Variants in SHC4 observed in about 807,000 individuals in gnomAD.
SHC4 encodes the protein SHC adaptor protein 4.
In SHC4, 41 loss-of-function variants were observed where a neutral mutation model predicts 69.4. The ratio of observed to expected loss-of-function variants is 0.59; its 90% CI spans 0.46 to 0.77. The LOEUF (loss-of-function observed/expected upper bound fraction) is 0.77, where lower values mean the gene tolerates loss of function less well. SHC4 is among the 30% of genes least tolerant of loss of function. The probability of loss-of-function intolerance (pLI) is 0.00; values close to 1 mark genes in which losing one functional copy is unlikely to be tolerated. For missense variants in SHC4, 777 were observed against 783.8 expected (o/e 0.99, Z 0.10); for synonymous variants, 318 against 299.3 (o/e 1.06, Z -0.64).
intron 2 of SHC4, among the ~76,000 whole-genome samples, chr15:48,898,604 T>G (rs1201501821): frequency 6.6e-6 from 1 of 152,256 alleles, no homozygotes; most frequent in African/African-American, 2.4e-5. Flanking sequence ...ACTTCGTGAT[T>G]CTGCCCTTTG....
intron 2 of SHC4, among the ~76,000 whole-genome samples, chr15:48,916,766 C>T (rs1900630465): frequency 6.6e-6 from 1 of 152,110 alleles, no homozygotes; most frequent in Admixed American, 6.6e-5. Flanking sequence ...GAGGAAAACC[C>T]ACTCCAAGCC....
intron 1 of SHC4, among the ~76,000 whole-genome samples, chr15:48,939,911 G>A (rs954744481): frequency 3.3e-5 from 5 of 152,236 alleles, no homozygotes; most frequent in African/African-American, 1.2e-4. Flanking sequence ...TGCAGACAAA[G>A]CTAATCTAAA....
At position 48,878,325 on chromosome 15, in the gene SHC4, A is replaced by C. The variant is rs1225860363; in HGVS notation, c.840+5923T>G. On this transcript the variant is annotated intron_variant, in intron 4 of 11. Coordinates refer to ENST00000332408, the MANE Select transcript of SHC4 (RefSeq NM_203349.4). ...CTGCGTCCCTCCCGCAGCGGGGCCC[A>C]ACAGCTCGAGGAGGAAGGCCCAATG... 2.5e-6 allele frequency: 4 copies of C among 1,613,674 alleles called. No homozygotes were observed. In the South Asian group the frequency reaches 4.4e-5, roughly 18 times the overall value.
chr15:48,932,001 G>A (rs940025224), intron 1 of SHC4, among the ~76,000 whole-genome samples: 7 of 152,002 alleles, frequency 4.6e-5, no homozygotes, highest in African/African-American at 1.7e-4. Context: ...ATGCGTGGGA[G>A]TTGGAGATTT....
intron 4 of SHC4, among the ~76,000 whole-genome samples, chr15:48,873,828 TAAG>T (rs1899742972): frequency 6.6e-6 from 1 of 152,076 alleles, no homozygotes; most frequent in Non-Finnish European, 1.5e-5. Context: ...ACAAAACTAA[TAAG>T]AATCATGTAA....
intron 8 of SHC4, among the ~76,000 whole-genome samples, chr15:48,852,639 C>A (rs933117302): frequency 6.6e-6 from 1 of 152,156 alleles, no homozygotes; most frequent in African/African-American, 2.4e-5. Flanking sequence ...TGACGGCTCA[C>A]GCTTGTAATC....
chr15:48,877,956 G>GTGT, intron 4 of SHC4: 1 of 502,184 alleles, frequency 2.0e-6, no homozygotes, highest in Non-Finnish European at 3.4e-6. Flanking sequence ...TACGAAGTTC[G>GTGT]AATCGATGGA....
intron 2 of SHC4, among the ~76,000 whole-genome samples, chr15:48,891,494 C>G (rs1299911638): frequency 6.6e-6 from 1 of 152,176 alleles, no homozygotes; most frequent in East Asian, 1.9e-4. Context: ...AAGAAACTGG[C>G]GCCCTCCTTT....
At chr15:48,828,836 T>C (rs543718809) in intron 11 of SHC4, among the ~76,000 whole-genome samples, 5 of 152,322 alleles carry the variant, frequency 3.3e-5, no homozygotes, top group African/African-American at 1.2e-4. Flanking sequence ...TTCATTCAAG[T>C]CCTTTGCCTA....
At chr15:48,835,552 C>A (rs986459178) in intron 10 of SHC4, among the ~76,000 whole-genome samples, 3 of 152,142 alleles carry the variant, frequency 2.0e-5, no homozygotes, top group Admixed American at 2.0e-4. Context: ...CTTTGCTAAA[C>A]CTCACAGCAT....
intron 1 of SHC4, among the ~76,000 whole-genome samples, chr15:48,933,237 C>G (rs1901004521): frequency 6.6e-6 from 1 of 152,130 alleles, no homozygotes; most frequent in African/African-American, 2.4e-5. Context: ...GGTCAGAAAT[C>G]AGACTTTATT....
At chr15:48,877,617 C>A in intron 4 of SHC4, 1 of 932,468 alleles carries the variant, frequency 1.1e-6, no homozygotes, top group Non-Finnish European at 1.3e-6. Flanking sequence ...GAAATGGGAC[C>A]AAGTATTTCT....
At position 48,907,734 on chromosome 15, in the gene SHC4, T is replaced by A. The variant is rs1595752804; in HGVS notation, c.657-16923A>T. On this transcript the variant is annotated intron_variant, in intron 2 of 11. Coordinates refer to ENST00000332408, the MANE Select transcript of SHC4 (RefSeq NM_203349.4). ...CTCATCCAGGTCACTGCAAATGCTG[T>A]TAATTCATTCCTTTTTATGACTGTG... Among the ~76,000 whole-genome samples the A allele has an allele frequency of 2.0e-5, 3 of 152,142 alleles. No individual in the cohort carries two copies. In the South Asian group the frequency reaches 6.2e-4, roughly 32 times the overall value.
At chr15:48,933,545 A>G (rs563821075) in intron 1 of SHC4, among the ~76,000 whole-genome samples, 1 of 152,286 alleles carries the variant, frequency 6.6e-6, no homozygotes, top group South Asian at 2.1e-4. Context: ...AAAATCTCAG[A>G]TGGCTTCTTT....
rs1013153396 is a variant in SHC4, at chr15:48,856,140, G to T, written c.1071-16C>A. The T allele has an allele frequency of 2.5e-6, 4 of 1,604,574 alleles. No individual in the cohort carries two copies. The African/African-American group carries it at 5.4e-5, about 22-fold the overall frequency. ...CACCTCCTCACTGTGAAGGAAAAAA[G>T]AATCCTCAAGAGGCTGGGCGAAAAT... On this transcript the variant is annotated splice_polypyrimidine_tract_variant and intron_variant, in intron 7 of 11. Transcript: ENST00000332408.
chr15:48,903,839 C>T lies in SHC4; in HGVS notation c.657-13028G>A, dbSNP rs140111982. On this transcript the variant is annotated intron_variant, in intron 2 of 11. Coordinates refer to ENST00000332408, the MANE Select transcript of SHC4 (RefSeq NM_203349.4). ...TATTCACAAGTATGTGATTATCACA[C>T]GCTACAGCCTCAAACTCCTGAGCTC... 2.7e-3 allele frequency among the ~76,000 whole-genome samples: 408 copies of T among 152,242 alleles called. 1 individual carries two copies. Among genetic ancestry groups the T allele is most frequent in the African/African-American group, 9.6e-3 (400 of 41,542 alleles).
intron 10 of SHC4, among the ~76,000 whole-genome samples, chr15:48,835,995 T>C (rs150104079): frequency 0.016 from 1,917 of 118,992 alleles, 61 homozygotes; most frequent in African/African-American, 0.061. Context: ...CTGGGAAACA[T>C]GATGAAATCC....
At chr15:48,869,413 C>T (rs1409062590) in intron 5 of SHC4, among the ~76,000 whole-genome samples, 1 of 152,194 alleles carries the variant, frequency 6.6e-6, no homozygotes, top group African/African-American at 2.4e-5. Flanking sequence ...AAGTCAGCTT[C>T]CTACCCTTGT....
chr15:48,866,556 C>T (rs2140990035), intron 6 of SHC4, among the ~76,000 whole-genome samples: 1 of 152,314 alleles, frequency 6.6e-6, no homozygotes, highest in East Asian at 1.9e-4. Context: ...TGCTGCCAAA[C>T]CAATCTGTCT....
Sources: gnomAD v4.1 joint callset for allele counts (sites outside exome capture counted in the v4.1 genomes callset) on GRCh38, gnomAD v4.1.1 for gene constraint, MANE v1.5 for transcripts, NCBI Gene and HGNC (gene_info 2026-07-23, HGNC 2026-07-21) for gene names.